ABCB1: variants seen among roughly 807,000 people sequenced by gnomAD.
ABCB1 encodes the protein ATP binding cassette subfamily B member 1, also known as ATP-dependent translocase ABCB1.
Under a neutral mutation model 142.0 loss-of-function variants are expected in ABCB1, and 69 were observed. That is an observed-to-expected ratio of 0.49 (90% CI 0.40 to 0.59). The LOEUF is 0.59. Among genes scored for constraint, ABCB1 ranks in the 20% least tolerant of loss-of-function variants. The probability of loss-of-function intolerance (pLI) is 0.00; values close to 1 mark genes in which losing one functional copy is unlikely to be tolerated. For missense variants in ABCB1, 1,326 were observed against 1,554.7 expected (o/e 0.85, Z 2.47); for synonymous variants, 532 against 539.2 (o/e 0.99, Z 0.18).
At chr7:87,675,535 C>A (rs976483377) in intron 1 of ABCB1, among the ~76,000 whole-genome samples, 19 of 149,748 alleles carry the variant, frequency 1.3e-4, no homozygotes, top group African/African-American at 4.7e-4. Context: ...GTAGAGAACC[C>A]AGAAATTAAT....
At chr7:87,522,360 G>T in intron 21 of ABCB1, 1 of 724,320 alleles carries the variant, frequency 1.4e-6, no homozygotes, top group African/African-American at 1.7e-5. Flanking sequence ...TGAAACCAAG[G>T]TGGCTATGGC....
intron 1 of ABCB1, among the ~76,000 whole-genome samples, chr7:87,705,412 C>A (rs1214414127): frequency 6.6e-6 from 1 of 152,012 alleles, no homozygotes; most frequent in Non-Finnish European, 1.5e-5. Context: ...GGCAACAGAG[C>A]GAGACTCCAT....
chr7:87,606,298 C>T (rs550034412), intron 1 of ABCB1, among the ~76,000 whole-genome samples: 5 of 152,058 alleles, frequency 3.3e-5, no homozygotes, highest in Non-Finnish European at 7.4e-5. Context: ...GAGACTATCA[C>T]ATGCTCACAA....
rs112801674 is a variant in ABCB1, at chr7:87,595,800, T to G, written c.83A>C (p.Lys28Thr). 1.8e-5 allele frequency: 29 copies of G among 1,610,848 alleles called. No homozygotes were observed. Among genetic ancestry groups the G allele is most frequent in the Non-Finnish European group, 2.5e-5 (29 of 1,177,634 alleles). Residue 28 changes from lysine to threonine, a missense_variant, in exon 3 of 28, where the codon AAG becomes ACG. Coordinates refer to ENST00000622132, the MANE Select transcript of ABCB1 (RefSeq NM_001348946.2). Reference protein sequence around the residue: ...KLNNKSEKDKKEKKPTVSVFS... With the variant: ...KLNNKSEKDKTEKKPTVSVFS... ...TACACTGACAGTTGGTTTCTTTTCC[T>G]TCTTATCTTTTTCACTGCAAAACAG...
At chr7:87,648,111 G>A (rs1025117915) in intron 1 of ABCB1, among the ~76,000 whole-genome samples, 4 of 151,420 alleles carry the variant, frequency 2.6e-5, no homozygotes, top group Non-Finnish European at 4.4e-5. Context: ...CGTGAACCGG[G>A]GTGGCATAGC....
At chr7:87,632,279 C>T (rs1174636805) in intron 1 of ABCB1, among the ~76,000 whole-genome samples, 6 of 152,054 alleles carry the variant, frequency 3.9e-5, no homozygotes, top group African/African-American at 1.4e-4. Flanking sequence ...TATTCAAGTG[C>T]AATATATAGT....
chr7:87,673,600 G>A (rs1007679962), intron 1 of ABCB1, among the ~76,000 whole-genome samples: 6 of 152,032 alleles, frequency 3.9e-5, no homozygotes, highest in Non-Finnish European at 5.9e-5. Context: ...TCGATATTTC[G>A]GCTTCTGTAT....
At chr7:87,548,900 G>T (rs188905359) in intron 14 of ABCB1, among the ~76,000 whole-genome samples, 7 of 152,138 alleles carry the variant, frequency 4.6e-5, no homozygotes, top group Admixed American at 1.3e-4. Context: ...TTCTTATTTC[G>T]CATAGAGTCT....
intron 1 of ABCB1, among the ~76,000 whole-genome samples, chr7:87,642,997 C>G (rs549923050): frequency 1.3e-5 from 2 of 152,112 alleles, no homozygotes; most frequent in African/African-American, 4.8e-5. Context: ...CCCACTGTAA[C>G]CTTGAATTCC....
At chr7:87,536,362 A>G in intron 20 of ABCB1, 96 bp downstream of exon 20, 2 of 1,064,432 alleles carry the variant, frequency 1.9e-6, no homozygotes, top group Non-Finnish European at 2.9e-6. Context: ...CATTTTCTTA[A>G]TGATGATAAC....
intron 25 of ABCB1, among the ~76,000 whole-genome samples, chr7:87,512,659 C>T (rs569463228): frequency 2.0e-5 from 3 of 152,284 alleles, no homozygotes; most frequent in South Asian, 4.1e-4. Flanking sequence ...AGTAGTAATC[C>T]ACTGAGTTAT....
intron 1 of ABCB1, among the ~76,000 whole-genome samples, chr7:87,692,219 G>C (rs1585116601): frequency 6.6e-6 from 1 of 152,016 alleles, no homozygotes; most frequent in Admixed American, 6.6e-5. Context: ...GGGAGACCAC[G>C]GCAGGATAAT....
At chr7:87,530,935 AAAG>A (rs1346552292) in intron 21 of ABCB1, among the ~76,000 whole-genome samples, 1 of 151,804 alleles carries the variant, frequency 6.6e-6, no homozygotes, top group African/African-American at 2.4e-5. Context: ...GAAAAGAAGG[AAAG>A]AAGGAAGGAA....
At chr7:87,691,874 G>C (rs1280378952) in intron 1 of ABCB1, among the ~76,000 whole-genome samples, 1 of 152,114 alleles carries the variant, frequency 6.6e-6, no homozygotes, top group African/African-American at 2.4e-5. Context: ...CTGGGTCTTG[G>C]CAGCCTTGTC....
chr7:87,690,777 C>T (rs142250297), intron 1 of ABCB1, among the ~76,000 whole-genome samples: 2 of 152,222 alleles, frequency 1.3e-5, no homozygotes, highest in Admixed American at 6.5e-5. Flanking sequence ...TGTGAAAAAT[C>T]TGAATTATTA....
Position 87,531,404 on chromosome 7 carries a change from G to C in ABCB1, c.2575C>G (p.Leu859Val). ...ISFIYGWQLT[L>V]LLLAIVPIIA... ...ATGGGTACAATTGCTAAGAGTAACAGTGTTAGTTGCCAACCATAGATGAAG... is the reference window on the plus strand; with the variant it reads ...ATGGGTACAATTGCTAAGAGTAACACTGTTAGTTGCCAACCATAGATGAAG... Residue 859 changes from leucine (L) to valine (V), a missense_variant, in exon 21 of 28, where the codon CTG becomes GTG. Physicochemically the swap from Leu to Val is conservative, Grantham distance 32 (BLOSUM62 1). Coordinates refer to ENST00000622132, the MANE Select transcript of ABCB1 (RefSeq NM_001348946.2). The C allele has an allele frequency of 6.2e-7, 1 of 1,613,496 alleles. No homozygotes were observed. The highest frequency in any genetic ancestry group is 8.5e-7 in the Non-Finnish European group (1 of 1,179,706).
chr7:87,625,063 T>C (rs1820359523), intron 1 of ABCB1, among the ~76,000 whole-genome samples: 1 of 152,154 alleles, frequency 6.6e-6, no homozygotes, highest in Non-Finnish European at 1.5e-5. Context: ...GAGACCATCC[T>C]GGCTAACACG....
Position 87,588,629 on chromosome 7 carries a change from G to T in ABCB1, c.118-2949C>A, listed in dbSNP as rs138655409. The stretch of plus-strand genomic sequence containing the variant: ...CCATGTCTTTGCTATTGTGAATAGT[G>T]CTGCAATGAACATACAATGCATGTG... On this transcript the variant is annotated intron_variant, in intron 3 of 27. Coordinates refer to ENST00000622132, the MANE Select transcript of ABCB1 (RefSeq NM_001348946.2). Among the ~76,000 whole-genome samples, 6 of 152,294 alleles carry T rather than the reference G, an allele frequency of 3.9e-5. No individual in the cohort carries two copies. The East Asian group carries it at 9.6e-4, about 24-fold the overall frequency.
At chr7:87,504,942 C>T (rs1022974110) in intron 27 of ABCB1, among the ~76,000 whole-genome samples, 3 of 151,412 alleles carry the variant, frequency 2.0e-5, no homozygotes, top group Non-Finnish European at 2.9e-5. Context: ...GGGTTAGTTC[C>T]GAGGCAGCAG....
Sources: allele counts gnomAD v4.1 joint callset (sites outside exome capture counted in the v4.1 genomes callset), GRCh38; gene constraint gnomAD v4.1.1; transcripts MANE v1.5; gene names NCBI Gene and HGNC (gene_info 2026-07-23, HGNC 2026-07-21).